The following DST variants were observed in gnomAD, a reference collection of about 807,000 sequenced individuals.
The protein encoded by DST is dystonin, also known as bullous pemphigoid antigen.
In DST, 253 loss-of-function variants were observed where a neutral mutation model predicts 875.2. That is an observed-to-expected ratio of 0.29 (90% CI 0.26 to 0.32). The LOEUF (loss-of-function observed/expected upper bound fraction) is 0.32. Among genes scored for constraint, DST ranks in the 10% least tolerant of loss-of-function variants. The pLI is 1.00. For missense variants in DST, 8,287 were observed against 9,111.6 expected, an observed-to-expected ratio of 0.91 and a Z score of 3.68; for synonymous variants, 3,124 against 3,197.1, an observed-to-expected ratio of 0.98 and a Z score of 0.77.
At position 56,782,902 on chromosome 6, in the gene DST, C is replaced by A. The variant is rs542552608; in HGVS notation, c.626-47613G>T. ...CTCTACACACTGCTTTGAATGTGTC[C>A]CAGAGATTCTGGTATGTTGTGACTT... On this transcript the variant is annotated intron_variant, in intron 4 of 103. Coordinates refer to ENST00000680361, the MANE Select transcript of DST (RefSeq NM_001374736.1). 4.0e-3 allele frequency among the ~76,000 whole-genome samples: 608 copies of A among 151,970 alleles called. 4 individuals carry two copies. Among genetic ancestry groups the A allele is most frequent in the Non-Finnish European group, 4.5e-3 (305 of 67,968 alleles).
intron 80 of DST, 23 bp from the exon 81 acceptor site, chr6:56,498,076 A>G: frequency 6.3e-7 from 1 of 1,593,900 alleles, no homozygotes; most frequent in Non-Finnish European, 8.6e-7. Flanking sequence ...AGATAACACC[A>G]TGTTTGCTAG....
At chr6:56,825,950 A>G (rs2099779942) in intron 4 of DST, among the ~76,000 whole-genome samples, 1 of 152,238 alleles carries the variant, frequency 6.6e-6, no homozygotes, top group African/African-American at 2.4e-5. Flanking sequence ...TCATCTTTGT[A>G]TATGTCATGG....
chr6:56,704,497 T>G, intron 5 of DST, 128 bp from the exon 6 acceptor site: 1 of 529,950 alleles, frequency 1.9e-6, no homozygotes, highest in East Asian at 3.5e-5. Flanking sequence ...ATTTTTAAAT[T>G]TTTAAAATGC....
intron 90 of DST, among the ~76,000 whole-genome samples, chr6:56,479,471 A>G (rs2095327085): frequency 6.6e-6 from 1 of 152,098 alleles, no homozygotes; most frequent in Non-Finnish European, 1.5e-5. Flanking sequence ...AGACAACAGC[A>G]CTCATATGTT....
intron 82 of DST, 82 bp from the exon 83 acceptor site, chr6:56,494,262 GCTC>G: frequency 7.7e-7 from 1 of 1,305,674 alleles, no homozygotes; most frequent in South Asian, 1.7e-5. Context: ...TCAGTCCCAA[GCTC>G]CTCATCATAT....
chr6:56,530,182 T>C, intron 64 of DST, 49 bp from the exon 65 acceptor site: 1 of 1,434,654 alleles, frequency 7.0e-7, no homozygotes, highest in African/African-American at 1.4e-5. Context: ...GTGTGAAATA[T>C]TCAACAAAAA....
At chr6:56,941,945 G>T (rs184524338) in intron 2 of DST, among the ~76,000 whole-genome samples, 3 of 152,290 alleles carry the variant, frequency 2.0e-5, no homozygotes, top group Non-Finnish European at 4.4e-5. Context: ...TTACAGCATT[G>T]TCTAATTCCG....
At chr6:56,672,461 A>T (rs993132725) in intron 9 of DST, among the ~76,000 whole-genome samples, 1 of 152,230 alleles carries the variant, frequency 6.6e-6, no homozygotes, top group Non-Finnish European at 1.5e-5. Flanking sequence ...ACATGAACAC[A>T]TCATATAGTA....
intron 63 of DST, 27 bp downstream of exon 63, chr6:56,535,095 C>A (rs184336205): frequency 1.2e-6 from 2 of 1,605,948 alleles, no homozygotes; most frequent in Admixed American, 1.7e-5. Flanking sequence ...TAATATGAAA[C>A]GCAATACAAA....
chr6:56,657,424 CAT>C (rs1349627290), intron 10 of DST, among the ~76,000 whole-genome samples: 14 of 152,050 alleles, frequency 9.2e-5, no homozygotes, highest in Non-Finnish European at 1.8e-4. Context: ...CATTTGGTCA[CAT>C]ATATTTTTTT....
chr6:56,746,158 A>T (rs896910907), intron 4 of DST, among the ~76,000 whole-genome samples: 6 of 151,656 alleles, frequency 4.0e-5, no homozygotes. Context: ...TAATTTTTAA[A>T]ATTTTTTGTA....
At chr6:56,462,994 T>C (rs2094411211) in intron 102 of DST, 52 bp downstream of exon 102, 2 of 1,036,946 alleles carry the variant, frequency 1.9e-6, no homozygotes, top group Non-Finnish European at 2.9e-6. Context: ...TAGTGAGTGA[T>C]AGCTTCAGTT....
intron 23 of DST, 151 bp downstream of exon 23, chr6:56,636,406 A>C: frequency 1.5e-6 from 1 of 652,680 alleles, no homozygotes; most frequent in Non-Finnish European, 2.8e-6. Context: ...ATGTGTGTAT[A>C]TATATACACA....
At chr6:56,473,795 A>C in intron 93 of DST, 78 bp downstream of exon 93, 1 of 1,454,184 alleles carries the variant, frequency 6.9e-7, no homozygotes, top group Non-Finnish European at 9.3e-7. Context: ...AATTGCCCCC[A>C]AATTTCAAAT....
rs746478133 is a variant in DST, at chr6:56,609,123, G to C, written c.5505C>G (p.Leu1835=). Residue 1835 remains leucine, a synonymous_variant, in exon 40 of 104, where the codon CTC becomes CTG. Transcript: ENST00000680361. The part of the protein sequence containing the change: ...GLIDEQILCQ[L]KELSKAKEII... ...TCTCCTTAGCTTTACTTAGTTCTTTGAGTTGGCACAGAATTTGTTCATCAA... is the reference window on the plus strand; with the variant it reads ...TCTCCTTAGCTTTACTTAGTTCTTTCAGTTGGCACAGAATTTGTTCATCAA... 6.2e-7 allele frequency: 1 copy of C among 1,613,804 alleles called. No individual in the cohort carries two copies. Among genetic ancestry groups the C allele is most frequent in the South Asian group, 1.1e-5 (1 of 91,074 alleles).
chr6:56,508,081 TTAGAG>T (rs1481374714), intron 75 of DST, among the ~76,000 whole-genome samples: 5 of 152,096 alleles, frequency 3.3e-5, no homozygotes, highest in Non-Finnish European at 7.4e-5. Context: ...GTCGCCCAGG[TTAGAG>T]TATAGTGGCA....
At position 56,572,930 on chromosome 6, in the gene DST, C is replaced by T; in HGVS notation, c.13371G>A (p.Arg4457=). Residue 4457 remains arginine, a synonymous_variant, in exon 52 of 104, where the codon CGG becomes CGA. Coordinates refer to ENST00000680361, the MANE Select transcript of DST (RefSeq NM_001374736.1). ...TGTGTTTATGACTTGCTTCTGAAAA[C>T]CGAGCAGACAAGTCTTTCATTTTGG... ...LQAKMKDLSA[R]FSEASHKHKE... 1 of 1,613,226 alleles carries T rather than the reference C, an allele frequency of 6.2e-7. No individual in the cohort carries two copies. Among genetic ancestry groups the T allele is most frequent in the Non-Finnish European group, 8.5e-7 (1 of 1,179,638 alleles).
In DST at chr6:56,620,031, A is replaced by G. The variant is rs560107936; in HGVS notation, c.4929+4499T>C. Reference sequence around the variant, plus strand: ...GCCTGTGTGATCGGACACACTGGCAATGCATTTTCTCTACATGTATACTGA... The same window carrying G: ...GCCTGTGTGATCGGACACACTGGCAGTGCATTTTCTCTACATGTATACTGA... On this transcript the variant is annotated intron_variant, in intron 36 of 103. Transcript: ENST00000680361. 3.7e-6 allele frequency: 6 copies of G among 1,613,996 alleles called. No homozygotes were observed. The South Asian group carries it at 6.6e-5, about 18-fold the overall frequency.
At chr6:56,881,481 C>T (rs1444805682) in intron 3 of DST, among the ~76,000 whole-genome samples, 1 of 151,802 alleles carries the variant, frequency 6.6e-6, no homozygotes, top group East Asian at 1.9e-4. Context: ...CAAAAAACAA[C>T]AACAACAAAG....
Sources: gnomAD v4.1 joint callset for allele counts (sites outside exome capture counted in the v4.1 genomes callset) on GRCh38, gnomAD v4.1.1 for gene constraint, MANE v1.5 for transcripts, NCBI Gene and HGNC (gene_info 2026-07-23, HGNC 2026-07-21) for gene names.